FANCI: variants seen among roughly 807,000 people sequenced by gnomAD.
FANCI encodes Fanconi anemia group I protein.
Under a neutral mutation model 176.1 loss-of-function variants are expected in FANCI, and 156 were observed. The ratio of observed to expected loss-of-function variants is 0.89; its 90% CI spans 0.78 to 1.01. FANCI has a LOEUF of 1.01. Among genes scored for constraint, FANCI ranks in the 50% least tolerant of loss-of-function variants. The pLI is 0.00. For missense variants in FANCI, 1,678 were observed against 1,534.1 expected, an observed-to-expected ratio of 1.09 and a Z score of -1.57; for synonymous variants, 613 against 541.7, an observed-to-expected ratio of 1.13 and a Z score of -1.83.
At chr15:89,264,651 A>C in intron 9 of FANCI, 44 bp downstream of exon 9, 4 of 1,531,456 alleles carry the variant, frequency 2.6e-6, no homozygotes, top group Non-Finnish European at 3.6e-6. Context: ...TTACAAATTC[A>C]TCTTCTCATT....
Position 89,283,228 on chromosome 15 carries a change from G to A in FANCI, c.1676G>A (p.Ser559Asn). ...VLGSLSSSQC[S>N]QSLSVSQVHV... ...GGCAGCCTGTCATCCTCTCAGTGCA[G>A]TCAGTCTCTCAGTGTCAGTCAGGTA... The change falls in exon 17 of 38, where the codon AGT (serine) becomes AAT (asparagine). Residue 559 changes from serine to asparagine, a missense_variant. Transcript: ENST00000310775. 6.2e-7 allele frequency: 1 copy of A among 1,614,026 alleles called. No homozygotes were observed. Among genetic ancestry groups the A allele is most frequent in the Non-Finnish European group, 8.5e-7 (1 of 1,179,886 alleles).
intron 34 of FANCI, among the ~76,000 whole-genome samples, chr15:89,310,763 G>A (rs2054922300): frequency 6.6e-6 from 1 of 152,130 alleles, no homozygotes; most frequent in Admixed American, 6.5e-5. Context: ...GATCTCAATG[G>A]GAAGAAAGCA....
At chr15:89,254,802 CTCTG>C (rs2052424124) in intron 2 of FANCI, among the ~76,000 whole-genome samples, 1 of 152,098 alleles carries the variant, frequency 6.6e-6, no homozygotes, top group Non-Finnish European at 1.5e-5. Flanking sequence ...ACAAAGAAGA[CTCTG>C]TCTCTAAGGT....
chr15:89,278,886 T>C (rs1197423555), intron 14 of FANCI, 112 bp downstream of exon 14: 3 of 761,632 alleles, frequency 3.9e-6, no homozygotes, highest in Non-Finnish European at 6.8e-6. Flanking sequence ...GCAGTATCTT[T>C]GATAGGATGC....
At chr15:89,300,468 C>A in intron 26 of FANCI, 83 bp downstream of exon 26, 4 of 1,183,824 alleles carry the variant, frequency 3.4e-6, no homozygotes, top group Middle Eastern at 1.9e-4. Context: ...TAAGAATGGG[C>A]AGACAGTGAC....
intron 18 of FANCI, among the ~76,000 whole-genome samples, chr15:89,289,007 T>A (rs2053947300): frequency 6.6e-6 from 1 of 151,946 alleles, no homozygotes; most frequent in African/African-American, 2.4e-5. Context: ...TAACATTTTC[T>A]TTGAGGTTTT....
chr15:89,263,799 A>T, intron 7 of FANCI, 104 bp from the exon 8 acceptor site: 1 of 1,354,334 alleles, frequency 7.4e-7, no homozygotes, highest in Non-Finnish European at 1.0e-6. Flanking sequence ...TCATTTCTTA[A>T]AATATGTTTA....
At chr15:89,290,152 A>G (rs1160144274) in intron 18 of FANCI, 61 bp from the exon 19 acceptor site, 1 of 1,287,496 alleles carries the variant, frequency 7.8e-7, no homozygotes. Flanking sequence ...TTAAGTTATG[A>G]TTGTCCAGAT....
rs1004184008 is a variant in FANCI, at chr15:89,297,579, C to T, written c.2637-2221C>T. ...CTGGAGACCAACCCGGCCAACACAG[C>T]GAAACCCCGTCTCCATCAAAAAAAT... On this transcript the variant is annotated intron_variant, in intron 24 of 37. Coordinates refer to ENST00000310775, the MANE Select transcript of FANCI (RefSeq NM_001113378.2). Among the ~76,000 whole-genome samples, 32 of 152,252 alleles carry T rather than the reference C, an allele frequency of 2.1e-4. No individual in the cohort carries two copies. In the South Asian group the frequency reaches 2.7e-3, roughly 13 times the overall value.
chr15:89,317,089 A>C lies in FANCI; in HGVS notation c.*630A>C, dbSNP rs987789430. ...CAGTTTGTTTTTCTGTCACCTATAGAGTGCAAGAATGCACTCTATAGAATA... is the reference window on the plus strand; with the variant it reads ...CAGTTTGTTTTTCTGTCACCTATAGCGTGCAAGAATGCACTCTATAGAATA... On this transcript the variant is annotated 3_prime_UTR_variant, in exon 38 of 38. Coordinates refer to ENST00000310775, the MANE Select transcript of FANCI (RefSeq NM_001113378.2). 2.2e-5 allele frequency: 13 copies of C among 592,148 alleles called. No individual in the cohort carries two copies. Among genetic ancestry groups the C allele is most frequent in the Non-Finnish European group, 3.6e-5 (12 of 335,256 alleles). 36.7% of individuals were successfully genotyped at this position (592,148 alleles called of 1,614,324 possible).
chr15:89,286,505 C>G (rs953147912), intron 18 of FANCI, among the ~76,000 whole-genome samples: 4 of 152,170 alleles, frequency 2.6e-5, no homozygotes, highest in African/African-American at 7.2e-5. Context: ...CATCAGAGCT[C>G]TTAGATGCCT....
In FANCI at chr15:89,285,151, T is replaced by G. The variant is rs762673805; in HGVS notation, c.1754T>G (p.Leu585Arg). The change falls in exon 18 of 38, where the codon CTT (leucine) becomes CGT (arginine). Residue 585 changes from leucine (L) to arginine (R), a missense_variant. Physicochemically the swap from Leu to Arg is moderately radical, Grantham distance 102. Transcript: ENST00000310775. ...TCTGTCGCCAATGAAACTTTTTGCCTTGAGATCATGGATAGTTTGAGGAGA... is the reference window on the plus strand; with the variant it reads ...TCTGTCGCCAATGAAACTTTTTGCCGTGAGATCATGGATAGTTTGAGGAGA... Reference protein sequence around the residue: ...YNSVANETFCLEIMDSLRRCL... With the variant: ...YNSVANETFCREIMDSLRRCL... 9 of 1,614,204 alleles carry G rather than the reference T, an allele frequency of 5.6e-6. No homozygotes were observed. The highest frequency in any genetic ancestry group is 7.6e-6 in the Non-Finnish European group (9 of 1,180,034).
intron 20 of FANCI, among the ~76,000 whole-genome samples, chr15:89,291,967 A>G (rs898595946): frequency 2.0e-5 from 3 of 152,190 alleles, no homozygotes; most frequent in Non-Finnish European, 4.4e-5. Flanking sequence ...TCATTTATGA[A>G]TCTTTGATTA....
rs75278394 is a variant in FANCI at position 89,261,422 on chromosome 15, T to C, written c.289-163T>C. On this transcript the variant is annotated intron_variant, in intron 4 of 37. Coordinates refer to ENST00000310775, the MANE Select transcript of FANCI (RefSeq NM_001113378.2). ...TAACTTTTGAAGCCCTTCACAATTATAACTACGTACCAGACAGAGCAGAAT... is the reference window on the plus strand; with the variant it reads ...TAACTTTTGAAGCCCTTCACAATTACAACTACGTACCAGACAGAGCAGAAT... Among the ~76,000 whole-genome samples, 1,012 of 152,330 alleles carry C rather than the reference T, an allele frequency of 6.6e-3. 14 individuals carry two copies. Among genetic ancestry groups the C allele is most frequent in the African/African-American group, 0.023 (970 of 41,566 alleles).
At chr15:89,281,367 C>T in intron 15 of FANCI, 67 bp downstream of exon 15, 2 of 1,559,874 alleles carry the variant, frequency 1.3e-6, no homozygotes, top group Non-Finnish European at 1.8e-6. Context: ...AAGTCTGATG[C>T]ATTTTTGTAT....
intron 2 of FANCI, among the ~76,000 whole-genome samples, chr15:89,256,338 G>C (rs911036798): frequency 6.6e-6 from 1 of 152,234 alleles, no homozygotes. Flanking sequence ...GTTGAGAACT[G>C]CTGCTCTAAG....
intron 26 of FANCI, among the ~76,000 whole-genome samples, chr15:89,300,950 T>G (rs1056611404): frequency 6.6e-6 from 1 of 152,230 alleles, no homozygotes; most frequent in African/African-American, 2.4e-5. Context: ...ATCAAATACA[T>G]AGTTATTTCA....
In FANCI at chr15:89,281,182, A is replaced by G; in HGVS notation, c.1394A>G (p.Asn465Ser). ...PISHFLDLLS[N>S]IVMYAPLVLQ... ...TTCTGTTTTTCAGACCTGCTTTCAAATATCGTCATGTATGCACCCTTAGTT... is the reference window on the plus strand; with the variant it reads ...TTCTGTTTTTCAGACCTGCTTTCAAGTATCGTCATGTATGCACCCTTAGTT... The change falls in exon 15 of 38, where the codon AAT becomes AGT. Residue 465 changes from asparagine (N) to serine (S), a missense_variant. Asn to Ser is a conservative substitution (Grantham distance 46, BLOSUM62 1). Around this residue, in one of 3 missense-constraint regions of FANCI, gnomAD observed 1,204 missense variants for 1,077.4 expected, o/e 1.12. Coordinates refer to ENST00000310775, the MANE Select transcript of FANCI (RefSeq NM_001113378.2). 1 of 1,613,694 alleles carries G rather than the reference A, an allele frequency of 6.2e-7. No individual in the cohort carries two copies. Among genetic ancestry groups the G allele is most frequent in the Non-Finnish European group, 8.5e-7 (1 of 1,179,726 alleles).
intron 11 of FANCI, 60 bp downstream of exon 11, chr15:89,273,529 A>T: frequency 9.9e-7 from 1 of 1,015,094 alleles, no homozygotes; most frequent in Non-Finnish European, 1.5e-6. Context: ...AAAAAAAAAA[A>T]AAAAAATCAC....
Sources: allele counts gnomAD v4.1 joint callset (sites outside exome capture counted in the v4.1 genomes callset), GRCh38; gene constraint gnomAD v4.1.1; regional missense constraint gnomAD v4.1.1; transcripts MANE v1.5; gene names NCBI Gene and HGNC (gene_info 2026-07-23, HGNC 2026-07-21).